Variants in EBF2 observed in about 807,000 individuals in gnomAD.
EBF2 encodes transcription factor COE2.
Under a neutral mutation model 72.8 loss-of-function variants are expected in EBF2, and 21 were observed. The observed-to-expected ratio is 0.29, with a 90% confidence interval of 0.20 to 0.42. EBF2 has a LOEUF of 0.42. Among genes scored for constraint, EBF2 ranks in the 10% least tolerant of loss-of-function variants. EBF2 has a pLI of 1.00. For missense variants in EBF2, 637 were observed against 731.2 expected, an observed-to-expected ratio of 0.87 and a Z score of 1.49; for synonymous variants, 299 against 274.2, an observed-to-expected ratio of 1.09 and a Z score of -0.89.
intron 5 of EBF2, among the ~76,000 whole-genome samples, chr8:26,037,530 T>G (rs1000445152): frequency 3.3e-5 from 5 of 152,190 alleles, no homozygotes; most frequent in Admixed American, 6.5e-5. Context: ...ATAAAGACAC[T>G]GGCCCCACTG....
At chr8:25,934,619 C>T (rs2117149636) in intron 6 of EBF2, among the ~76,000 whole-genome samples, 1 of 152,212 alleles carries the variant, frequency 6.6e-6, no homozygotes, top group Admixed American at 6.5e-5. Flanking sequence ...TGCATAGGGC[C>T]CTATTCACCG....
intron 6 of EBF2, among the ~76,000 whole-genome samples, chr8:25,937,175 G>A (rs1157200505): frequency 6.6e-6 from 1 of 152,200 alleles, no homozygotes; most frequent in Non-Finnish European, 1.5e-5. Flanking sequence ...TGTTTGCAAA[G>A]CCATGATGTC....
chr8:25,882,425 T>C (rs1168821463), intron 10 of EBF2, among the ~76,000 whole-genome samples: 1 of 152,232 alleles, frequency 6.6e-6, no homozygotes, highest in Admixed American at 6.5e-5. Context: ...TGAAGAGACC[T>C]GGCTGTACCA....
intron 6 of EBF2, among the ~76,000 whole-genome samples, chr8:26,016,534 G>A (rs557356748): frequency 6.6e-6 from 1 of 152,174 alleles, no homozygotes. Flanking sequence ...CAATTTCAAA[G>A]TGCAGAGGAG....
At chr8:25,904,716 T>G (rs1803008703) in intron 7 of EBF2, among the ~76,000 whole-genome samples, 1 of 152,226 alleles carries the variant, frequency 6.6e-6, no homozygotes, top group African/African-American at 2.4e-5. Flanking sequence ...TCTCTGGTTT[T>G]GTTTCATATT....
intron 15 of EBF2, 95 bp downstream of exon 15, chr8:25,850,499 G>T: frequency 7.4e-7 from 1 of 1,353,554 alleles, no homozygotes; most frequent in Non-Finnish European, 9.8e-7. Flanking sequence ...CTCTTTGCAG[G>T]TAAATGGCTG....
chr8:25,891,258 A>G (rs941039011), intron 7 of EBF2, among the ~76,000 whole-genome samples: 3 of 152,232 alleles, frequency 2.0e-5, no homozygotes, highest in Non-Finnish European at 4.4e-5. Context: ...CTGGCCAAGC[A>G]TAGCAGAAGG....
chr8:25,947,004 G>A (rs1803780560), intron 6 of EBF2, among the ~76,000 whole-genome samples: 2 of 152,056 alleles, frequency 1.3e-5, no homozygotes, highest in South Asian at 4.1e-4. Flanking sequence ...ATTCACTTTA[G>A]TCCTCACACA....
intron 6 of EBF2, among the ~76,000 whole-genome samples, chr8:26,018,949 A>G (rs1805159407): frequency 1.3e-5 from 2 of 151,672 alleles, no homozygotes; most frequent in Admixed American, 1.3e-4. Flanking sequence ...AAAAAAAAAA[A>G]AAAAAGGCAA....
In EBF2 at chr8:25,850,640, G is replaced by A. The variant is rs755991317; in HGVS notation, c.1650C>T (p.Gly550=). ...SAFAPVIRPQ[G]SPSPACSSGN... ...CGCTGGAGCAGGCAGGTGAAGGGGAGCCTTGGGGCCTGATGACAGGGGCAA... is the reference window on the plus strand; with the variant it reads ...CGCTGGAGCAGGCAGGTGAAGGGGAACCTTGGGGCCTGATGACAGGGGCAA... The change falls in exon 15 of 16, where the codon GGC becomes GGT. Residue 550 remains glycine (G), a synonymous_variant. Transcript: ENST00000520164. 3.8e-6 allele frequency: 6 copies of A among 1,567,094 alleles called. No homozygotes were observed. The highest frequency in any genetic ancestry group is 1.7e-4 in the Middle Eastern group (1 of 5,892).
intron 6 of EBF2, among the ~76,000 whole-genome samples, chr8:25,969,912 C>T (rs981772624): frequency 1.3e-5 from 2 of 152,098 alleles, no homozygotes; most frequent in Non-Finnish European, 2.9e-5. Flanking sequence ...GTCAAAGGGG[C>T]GATGTGTAAG....
chr8:26,030,658 T>C (rs1189578002), intron 6 of EBF2, among the ~76,000 whole-genome samples: 1 of 152,156 alleles, frequency 6.6e-6, no homozygotes, highest in Admixed American at 6.5e-5. Context: ...TACTGGACTA[T>C]TTACAGTACC....
At chr8:25,938,306 A>T (rs531016518) in intron 6 of EBF2, among the ~76,000 whole-genome samples, 1 of 151,032 alleles carries the variant, frequency 6.6e-6, no homozygotes, top group African/African-American at 2.4e-5. Context: ...TATTTTTCAG[A>T]TGCCTTTCTC....
intron 6 of EBF2, among the ~76,000 whole-genome samples, chr8:25,991,620 C>G (rs1251340144): frequency 6.6e-6 from 1 of 152,088 alleles, no homozygotes; most frequent in African/African-American, 2.4e-5. Context: ...TCGAGGCGGG[C>G]AGATCACTTG....
chr8:25,859,290 C>A (rs955747382), intron 13 of EBF2, among the ~76,000 whole-genome samples: 1 of 152,224 alleles, frequency 6.6e-6, no homozygotes, highest in African/African-American at 2.4e-5. Flanking sequence ...ATTTAACATG[C>A]CATAGCATCT....
intron 6 of EBF2, among the ~76,000 whole-genome samples, chr8:25,997,885 TA>T (rs1804663195): frequency 2.0e-5 from 3 of 152,090 alleles, no homozygotes; most frequent in African/African-American, 7.2e-5. Flanking sequence ...GCTAATTTTA[TA>T]ATAATAAAAA....
chr8:25,994,912 C>A (rs1016860388), intron 6 of EBF2, among the ~76,000 whole-genome samples: 1 of 151,952 alleles, frequency 6.6e-6, no homozygotes, highest in Admixed American at 6.6e-5. Flanking sequence ...GCACATGCAC[C>A]CTCTGAACTT....
intron 6 of EBF2, among the ~76,000 whole-genome samples, chr8:25,996,633 A>T (rs924387951): frequency 6.6e-6 from 1 of 152,156 alleles, no homozygotes; most frequent in Non-Finnish European, 1.5e-5. Flanking sequence ...CTAAGAATTA[A>T]ATCAAAGAAA....
chr8:26,039,981 A>G, intron 5 of EBF2, 47 bp downstream of exon 5: 1 of 1,598,074 alleles, frequency 6.3e-7, no homozygotes, highest in Non-Finnish European at 8.6e-7. Flanking sequence ...GCGGGGCTGG[A>G]GCACCTGCGG....
Sources: gnomAD v4.1 joint callset for allele counts (sites outside exome capture counted in the v4.1 genomes callset) on GRCh38, gnomAD v4.1.1 for gene constraint, MANE v1.5 for transcripts, NCBI Gene and HGNC (gene_info 2026-07-23, HGNC 2026-07-21) for gene names.